INTS2: variants seen among roughly 807,000 people sequenced by gnomAD.
INTS2 encodes integrator complex subunit 2.
A neutral mutation model predicts 139.6 loss-of-function variants in INTS2; 57 were observed. The observed-to-expected ratio is 0.41, with a 90% CI of 0.33 to 0.51. INTS2 has a LOEUF of 0.51. Ranked by LOEUF, INTS2 falls within the 20% of genes least tolerant of loss-of-function variation. The pLI, the probability that INTS2 is intolerant of heterozygous loss-of-function variation, is 0.28. For synonymous variants in INTS2, 473 were observed against 493.4 expected (o/e 0.96, Z 0.55); for missense variants, 1,196 against 1,436.7 (o/e 0.83, Z 2.71).
intron 15 of INTS2, among the ~76,000 whole-genome samples, chr17:61,885,716 C>CA (rs1380749468): frequency 2.0e-4 from 29 of 144,904 alleles, no homozygotes; most frequent in African/African-American, 7.2e-4. Context: ...GTCACTGGGC[C>CA]CGGCCAATTT....
At position 61,897,089 on chromosome 17, in the gene INTS2, T is replaced by C. The variant is rs1167083295; in HGVS notation, c.1494+380A>G. Among the ~76,000 whole-genome samples the C allele has an allele frequency of 6.6e-6, 1 of 152,112 alleles. No homozygotes were observed. Among genetic ancestry groups the C allele is most frequent in the Non-Finnish European group, 1.5e-5 (1 of 68,000 alleles). On this transcript the variant is annotated intron_variant, in intron 11 of 24. Transcript: ENST00000251334. This position sits in a 1 kb window ranked among gnomAD's most constrained non-coding sequence, Gnocchi z 4.4. The stretch of plus-strand genomic sequence containing the variant: ...AACAATGGACTATAAGACAATGCAG[T>C]CATTAAAAATTATACTGTATTATAA...
chr17:61,918,923 G>GT (rs561665201), intron 5 of INTS2, among the ~76,000 whole-genome samples: 1,912 of 130,990 alleles, frequency 0.015, 14 homozygotes, highest in African/African-American at 0.027. Flanking sequence ...GTTCCTTGGG[G>GT]TTTTTTTTTT....
chr17:61,925,571 G>A lies in INTS2; in HGVS notation c.294-472C>T, dbSNP rs572762830. On this transcript the variant is annotated intron_variant, in intron 2 of 24. Coordinates refer to ENST00000251334, the MANE Select transcript of INTS2 (RefSeq NM_001351695.2). ...CAGCCTGGGCAACAGGGCAAGACTC[G>A]GTCTAAAAAAAAATAAAAATAAAAA... Among the ~76,000 whole-genome samples, 20 of 150,078 alleles carry A rather than the reference G, an allele frequency of 1.3e-4. No homozygotes were observed. The East Asian group carries it at 3.2e-3, about 24-fold the overall frequency.
Position 61,869,006 on chromosome 17 carries a change from T to A in INTS2, c.3244+28A>T. 2 of 1,207,788 alleles carry A rather than the reference T, an allele frequency of 1.7e-6. No homozygotes were observed. The highest frequency in any genetic ancestry group is 2.4e-6 in the Non-Finnish European group (2 of 821,460). The allele number at this position is 1,207,788 out of a possible 1,614,324, so 74.8% of individuals were successfully genotyped here. A position where few individuals can be genotyped will look rare whatever the true frequency, so the allele number is the denominator to read the frequency against. Reference sequence around the variant, plus strand: ...AGGAACTATAATAATTTATGTCAGATGTTTGTTGATGTTGATTGGCTACAT... The same window carrying A: ...AGGAACTATAATAATTTATGTCAGAAGTTTGTTGATGTTGATTGGCTACAT... On this transcript the variant is annotated intron_variant, in intron 23 of 24. Transcript: ENST00000251334. The surrounding 1 kb of genome is among the most constrained non-coding windows in gnomAD (Gnocchi z 5.4).
Position 61,869,616 on chromosome 17 carries a change from G to T in INTS2, c.3030+121C>A. 1.7e-6 allele frequency: 2 copies of T among 1,202,600 alleles called. No individual in the cohort carries two copies. The highest frequency in any genetic ancestry group is 2.4e-5 in the East Asian group (1 of 42,244). 74.5% of individuals were successfully genotyped at this position (1,202,600 alleles called of 1,614,324 possible). On this transcript the variant is annotated intron_variant, in intron 21 of 24. Transcript: ENST00000251334. This position sits in a 1 kb window ranked among gnomAD's most constrained non-coding sequence, Gnocchi z 5.4. ...AAAAATCTGGATTTTTCTCCATATT[G>T]CAAAAGCCCATGGATCATTTGTGTT...
chr17:61,886,631 C>A (rs929554820), intron 15 of INTS2, among the ~76,000 whole-genome samples: 2 of 152,186 alleles, frequency 1.3e-5, no homozygotes, highest in African/African-American at 4.8e-5. Flanking sequence ...AAGGTCCTTG[C>A]CAGTCAATAG....
intron 16 of INTS2, among the ~76,000 whole-genome samples, chr17:61,884,001 G>GA (rs35178580): frequency 0.077 from 9,718 of 125,822 alleles, 543 homozygotes; most frequent in South Asian, 0.32. Flanking sequence ...TTTCCCTAAA[G>GA]AAAAAAAAAA....
At chr17:61,883,236 G>C (rs1488843897) in intron 16 of INTS2, among the ~76,000 whole-genome samples, 1 of 152,054 alleles carries the variant, frequency 6.6e-6, no homozygotes, top group Non-Finnish European at 1.5e-5. Context: ...AAAGAAGCCA[G>C]GCACGGTGGC....
intron 1 of INTS2, chr17:61,926,991 G>C: frequency 3.1e-6 from 1 of 320,866 alleles, no homozygotes; most frequent in Admixed American, 4.6e-5. Context: ...ACAATCCAAG[G>C]CTGAATCCTC....
intron 16 of INTS2, among the ~76,000 whole-genome samples, chr17:61,881,651 G>A (rs2145913764): frequency 6.6e-6 from 1 of 152,294 alleles, no homozygotes; most frequent in Non-Finnish European, 1.5e-5. Flanking sequence ...TGGGAAGCTT[G>A]TTTCATGTGC....
chr17:61,905,199 C>T (rs1291446247), intron 8 of INTS2, among the ~76,000 whole-genome samples: 2 of 152,036 alleles, frequency 1.3e-5, no homozygotes, highest in Non-Finnish European at 2.9e-5. Flanking sequence ...CCTTGGTCTC[C>T]TAAAATGCTG....
chr17:61,906,358 C>A (rs939260068), intron 8 of INTS2, among the ~76,000 whole-genome samples: 2 of 152,200 alleles, frequency 1.3e-5, no homozygotes, highest in East Asian at 3.8e-4. Flanking sequence ...TCAACCTTTA[C>A]AACTACCTCC....
chr17:61,896,241 A>T (rs2079347472), intron 11 of INTS2, among the ~76,000 whole-genome samples: 1 of 149,030 alleles, frequency 6.7e-6, no homozygotes, highest in Admixed American at 6.8e-5. Context: ...CTCCATCTCA[A>T]AAAAAAAAAA....
Position 61,869,320 on chromosome 17 carries a change from G to T in INTS2, c.3091C>A (p.Leu1031Ile), listed in dbSNP as rs977737747. The T allele has an allele frequency of 1.2e-6, 2 of 1,607,628 alleles. No homozygotes were observed. Among genetic ancestry groups the T allele is most frequent in the Non-Finnish European group, 1.7e-6 (2 of 1,176,804 alleles). Reference protein sequence around the residue: ...VAGIPSMHICLDFIPELIAQP... With the variant: ...VAGIPSMHICIDFIPELIAQP... ...GCAATAAGCTCAGGTATGAAATCTA[G>T]ACAGATGTGCATAGATGGAATACCT... Residue 1031 changes from leucine to isoleucine, a missense_variant, in exon 22 of 25, where the codon CTA (leucine) becomes ATA (isoleucine). By Grantham distance (5) the Leu-to-Ile change is conservative. Coordinates refer to ENST00000251334, the MANE Select transcript of INTS2 (RefSeq NM_001351695.2). This position sits in a 1 kb window ranked among gnomAD's most constrained non-coding sequence, Gnocchi z 5.4.
intron 5 of INTS2, among the ~76,000 whole-genome samples, chr17:61,912,819 T>G (rs577237351): frequency 6.6e-6 from 1 of 152,092 alleles, no homozygotes; most frequent in African/African-American, 2.4e-5. Context: ...GGCTCACACC[T>G]GCAATCCCAG....
intron 11 of INTS2, among the ~76,000 whole-genome samples, chr17:61,896,638 AGAAAT>A (rs1454589498): frequency 6.6e-6 from 1 of 152,224 alleles, no homozygotes; most frequent in African/African-American, 2.4e-5. Flanking sequence ...TTTTCACAAA[AGAAAT>A]AAACAAGCCA....
Position 61,897,815 on chromosome 17 carries a change from A to T in INTS2, c.1308-76T>A. The T allele has an allele frequency of 9.7e-7, 1 of 1,033,852 alleles. No individual in the cohort carries two copies. The highest frequency in any genetic ancestry group is 1.4e-6 in the Non-Finnish European group (1 of 697,816). 64.0% of individuals were successfully genotyped at this position (1,033,852 alleles called of 1,614,324 possible). ...TATGAATAAAAAGCATTCTGAAGTT[A>T]TTTTTGGTAGAAATTATTTTTCCTG... On this transcript the variant is annotated intron_variant, in intron 9 of 24. Coordinates refer to ENST00000251334, the MANE Select transcript of INTS2 (RefSeq NM_001351695.2). The surrounding 1 kb of genome is among the most constrained non-coding windows in gnomAD (Gnocchi z 4.4).
chr17:61,894,708 C>T (rs899053871), intron 12 of INTS2, among the ~76,000 whole-genome samples: 16 of 151,862 alleles, frequency 1.1e-4, no homozygotes, highest in South Asian at 6.2e-4. Context: ...AAAAATTAGG[C>T]GTGGTGGTGT....
At chr17:61,920,632 C>G (rs1043056395) in intron 4 of INTS2, among the ~76,000 whole-genome samples, 1 of 151,656 alleles carries the variant, frequency 6.6e-6, no homozygotes, top group Non-Finnish European at 1.5e-5. Context: ...GGTGAAACCT[C>G]GTCGCCACTA....
Sources: allele counts gnomAD v4.1 joint callset (sites outside exome capture counted in the v4.1 genomes callset), GRCh38; gene constraint gnomAD v4.1.1; non-coding constraint Gnocchi (gnomAD v3.1); transcripts MANE v1.5; gene names NCBI Gene and HGNC (gene_info 2026-07-23, HGNC 2026-07-21).